The following RBFOX1 variants were observed in gnomAD, a reference collection of about 807,000 sequenced individuals.
RBFOX1 encodes the protein RNA binding fox-1 homolog 1.
A neutral mutation model predicts 57.7 loss-of-function variants in RBFOX1; 8 were observed. The observed-to-expected ratio is 0.14, with a 90% CI of 0.08 to 0.25. The LOEUF (loss-of-function observed/expected upper bound fraction) is 0.25, where lower values mean the gene tolerates loss of function less well. Ranked by LOEUF, RBFOX1 falls within the 10% of genes least tolerant of loss-of-function variation. The pLI, the probability that RBFOX1 is intolerant of heterozygous loss-of-function variation, is 1.00. For missense variants in RBFOX1, 611 were observed against 548.5 expected (o/e 1.11, Z -1.14); for synonymous variants, 326 against 222.4 (o/e 1.47, Z -4.15).
intron 4 of RBFOX1, among the ~76,000 whole-genome samples, chr16:5,959,485 A>T (rs1464515539): frequency 6.6e-6 from 1 of 152,208 alleles, no homozygotes; most frequent in Non-Finnish European, 1.5e-5. Context: ...GTGTTTTCTA[A>T]GAGTAGTGTT....
chr16:6,026,432 C>A (rs1052105794), intron 1 of RBFOX1, among the ~76,000 whole-genome samples: 5 of 152,234 alleles, frequency 3.3e-5, no homozygotes, highest in African/African-American at 1.2e-4. Flanking sequence ...GACACAACAG[C>A]AGGTAAGAGG....
chr16:5,760,015 A>T (rs1210946294), intron 3 of RBFOX1, among the ~76,000 whole-genome samples: 2 of 152,044 alleles, frequency 1.3e-5, no homozygotes, highest in Non-Finnish European at 2.9e-5. Context: ...GTTAAAAAAA[A>T]AAAAAAACCT....
At chr16:5,581,344 A>T (rs1357445739) in intron 2 of RBFOX1, among the ~76,000 whole-genome samples, 3 of 152,216 alleles carry the variant, frequency 2.0e-5, no homozygotes, top group Middle Eastern at 6.3e-3. Context: ...AGGAGGAATA[A>T]GCCATTTGTG....
At chr16:6,025,878 G>A (rs1454724038) in intron 1 of RBFOX1, among the ~76,000 whole-genome samples, 1 of 152,142 alleles carries the variant, frequency 6.6e-6, no homozygotes, top group Non-Finnish European at 1.5e-5. Flanking sequence ...TACTGGAACT[G>A]CATTATTGCC....
intron 3 of RBFOX1, among the ~76,000 whole-genome samples, chr16:6,672,045 G>A (rs1039199475): frequency 6.6e-6 from 1 of 152,178 alleles, no homozygotes; most frequent in African/African-American, 2.4e-5. Context: ...ACATTATTTG[G>A]AATAGGTGAA....
chr16:7,001,367 T>TGTGTAG (rs2092773668), intron 3 of RBFOX1, among the ~76,000 whole-genome samples: 1 of 118,264 alleles, frequency 8.5e-6, no homozygotes, highest in Admixed American at 8.2e-5. Flanking sequence ...TTTGTGTGTA[T>TGTGTAG]GTGTATGTGT....
chr16:6,412,000 C>A (rs2093472069), intron 2 of RBFOX1, among the ~76,000 whole-genome samples: 1 of 152,032 alleles, frequency 6.6e-6, no homozygotes, highest in Non-Finnish European at 1.5e-5. Context: ...GGTGTAGTGG[C>A]AGGCGCCTGT....
intron 4 of RBFOX1, among the ~76,000 whole-genome samples, chr16:5,991,262 A>G (rs1017254274): frequency 6.6e-6 from 1 of 152,138 alleles, no homozygotes; most frequent in Non-Finnish European, 1.5e-5. Context: ...GCACAAGACC[A>G]CACAGGCAGG....
At chr16:6,542,343 G>T (rs908518919) in intron 2 of RBFOX1, among the ~76,000 whole-genome samples, 1 of 152,026 alleles carries the variant, frequency 6.6e-6, no homozygotes. Context: ...GGATTGTGGG[G>T]TGTTCTAAAT....
intron 2 of RBFOX1, among the ~76,000 whole-genome samples, chr16:6,581,303 G>C (rs545929050): frequency 2.0e-5 from 3 of 152,236 alleles, no homozygotes; most frequent in East Asian, 1.9e-4. Flanking sequence ...TTGCTTTTTC[G>C]ATGATCCCTG....
intron 4 of RBFOX1, among the ~76,000 whole-genome samples, chr16:7,359,916 G>A (rs559236402): frequency 2.6e-5 from 4 of 152,100 alleles, no homozygotes; most frequent in Non-Finnish European, 4.4e-5. Context: ...CCCAGGAGGC[G>A]GAGCTTGCAG....
intron 1 of RBFOX1, among the ~76,000 whole-genome samples, chr16:5,262,132 G>A (rs1456983787): frequency 6.6e-6 from 1 of 152,164 alleles, no homozygotes; most frequent in African/African-American, 2.4e-5. Context: ...TAGCAGGGAA[G>A]GCTTAGTTAA....
rs527495554 is a variant in RBFOX1 at position 5,392,623 on chromosome 16, C to T, written c.220-74593C>T. Among the ~76,000 whole-genome samples the T allele has an allele frequency of 6.6e-5, 10 of 151,704 alleles. No homozygotes were observed. In the South Asian group the frequency reaches 1.0e-3, roughly 16 times the overall value. On this transcript the variant is annotated intron_variant, in intron 1 of 2. Coordinates refer to the RBFOX1 transcript ENST00000585867. ...GTGCAATCACGACTCACTGAAGCGT[C>T]GACCTCCTGGGTTGAAGTGATCCTC... is the stretch of plus-strand genomic sequence containing the variant.
At chr16:5,789,773 C>G (rs2054626658) in intron 3 of RBFOX1, among the ~76,000 whole-genome samples, 2 of 152,194 alleles carry the variant, frequency 1.3e-5, no homozygotes, top group Admixed American at 6.5e-5. Context: ...AGCCAGTGCT[C>G]AAGTCCTAAT....
intron 3 of RBFOX1, among the ~76,000 whole-genome samples, chr16:5,682,647 T>C (rs2050375786): frequency 5.3e-5 from 8 of 152,150 alleles, no homozygotes; most frequent in Admixed American, 5.2e-4. Context: ...GATAAGCAAT[T>C]GGCCCAAAGT....
chr16:6,928,295 C>T (rs182257095), intron 3 of RBFOX1, among the ~76,000 whole-genome samples: 1 of 152,192 alleles, frequency 6.6e-6, no homozygotes, highest in Non-Finnish European at 1.5e-5. Context: ...AGGTTGTGAA[C>T]CATCAGATCA....
chr16:6,297,977 G>T (rs1005397904), intron 1 of RBFOX1, among the ~76,000 whole-genome samples: 16 of 152,224 alleles, frequency 1.1e-4, no homozygotes, highest in African/African-American at 3.9e-4. Context: ...GTGTGACCCA[G>T]TTCTTTCGGG....
chr16:7,243,621 C>A (rs1209391986), intron 4 of RBFOX1, among the ~76,000 whole-genome samples: 1 of 152,126 alleles, frequency 6.6e-6, no homozygotes. Context: ...GATAATAGCT[C>A]ACTATAGCCT....
At chr16:5,365,142 C>T (rs544906334) in intron 1 of RBFOX1, among the ~76,000 whole-genome samples, 75 of 152,218 alleles carry the variant, frequency 4.9e-4, no homozygotes, top group African/African-American at 1.7e-3. Context: ...TGGTGGACTC[C>T]GGAGGCTGGC....
Sources: gnomAD v4.1 joint callset for allele counts (sites outside exome capture counted in the v4.1 genomes callset) on GRCh38, gnomAD v4.1.1 for gene constraint, MANE v1.5 for transcripts, NCBI Gene and HGNC (gene_info 2026-07-23, HGNC 2026-07-21) for gene names.